STIM1: variants seen among roughly 807,000 people sequenced by gnomAD.
The protein encoded by STIM1 is stromal interaction molecule 1.
STIM1 carries 25 observed loss-of-function variants against 74.7 expected under a neutral mutation model. The ratio of observed to expected loss-of-function variants is 0.33; its 90% CI spans 0.24 to 0.47. STIM1 has a LOEUF of 0.47. STIM1 is among the 20% of genes least tolerant of loss of function. The pLI is 1.00. For synonymous variants in STIM1, 328 were observed against 348.8 expected, an observed-to-expected ratio of 0.94 and a Z score of 0.66; for missense variants, 728 against 920.8, an observed-to-expected ratio of 0.79 and a Z score of 2.71.
intron 1 of STIM1, among the ~76,000 whole-genome samples, chr11:3,895,699 T>TTTCTTTCC (rs2092092397): frequency 6.2e-5 from 2 of 32,090 alleles, no homozygotes; most frequent in African/African-American, 1.9e-4. Flanking sequence ...TCTTTCTTTC[T>TTTCTTTCC]TTCTTTCTTT....
At chr11:3,855,092 A>T (rs1321833874), upstream of STIM1, 1 of 152,278 alleles carries the variant, frequency 6.6e-6, no homozygotes, top group Non-Finnish European at 1.5e-5. Flanking sequence ...GCGGGTTCCC[A>T]AGCCGCAGAG....
At chr11:4,059,216 A>G in intron 4 of STIM1, 65 bp from the exon 5 acceptor site, 1 of 1,395,900 alleles carries the variant, frequency 7.2e-7, no homozygotes. Context: ...GAGGCGGGTA[A>G]TCCTACCAGG....
intron 1 of STIM1, among the ~76,000 whole-genome samples, chr11:3,904,354 T>C (rs16929662): frequency 0.014 from 2,104 of 152,118 alleles, 44 homozygotes; most frequent in African/African-American, 0.048. Context: ...ACTGTGGAAG[T>C]GCATGGCATA....
intron 5 of STIM1, among the ~76,000 whole-genome samples, chr11:4,069,117 A>G (rs141725517): frequency 2.2e-4 from 33 of 152,304 alleles, no homozygotes; most frequent in Non-Finnish European, 3.5e-4. Flanking sequence ...TCCTTCTTAT[A>G]GTGCCCCTTT....
chr11:4,032,658 T>A (rs2094061048), intron 3 of STIM1, among the ~76,000 whole-genome samples: 1 of 152,196 alleles, frequency 6.6e-6, no homozygotes, highest in South Asian at 2.1e-4. Context: ...ACAAAGTACA[T>A]CTCTCCATTT....
chr11:3,991,394 C>G (rs2093610072), intron 2 of STIM1, among the ~76,000 whole-genome samples: 1 of 151,630 alleles, frequency 6.6e-6, no homozygotes, highest in Non-Finnish European at 1.5e-5. Context: ...TGGTCTTGAA[C>G]TCCTGGGCTC....
intron 2 of STIM1, among the ~76,000 whole-genome samples, chr11:3,992,111 T>TTTTTTA (rs2093621872): frequency 1.6e-5 from 2 of 128,068 alleles, no homozygotes; most frequent in Non-Finnish European, 3.2e-5. Flanking sequence ...TTTTTTTTTT[T>TTTTTTA]AGTTTTTAAT....
chr11:4,063,195 C>T (rs2094343087), intron 5 of STIM1, among the ~76,000 whole-genome samples: 1 of 152,124 alleles, frequency 6.6e-6, no homozygotes, highest in Non-Finnish European at 1.5e-5. Context: ...ATTAATTTTG[C>T]CAGTGGTTGC....
chr11:3,861,196 T>C (rs973595443), intron 1 of STIM1, among the ~76,000 whole-genome samples: 2 of 151,814 alleles, frequency 1.3e-5, no homozygotes, highest in African/African-American at 2.4e-5. Context: ...CACCCATAGG[T>C]AGGAAGATTG....
intron 11 of STIM1, among the ~76,000 whole-genome samples, 155 bp downstream of exon 11, chr11:4,084,920 G>A (rs929688262): frequency 5.9e-5 from 9 of 152,132 alleles, no homozygotes; most frequent in Admixed American, 2.0e-4. Context: ...GGAGGGGTTC[G>A]GGGGTGAGAA....
intron 2 of STIM1, among the ~76,000 whole-genome samples, chr11:4,008,343 TC>T (rs1185138523): frequency 6.6e-6 from 1 of 152,058 alleles, no homozygotes; most frequent in African/African-American, 2.4e-5. Flanking sequence ...TTAGAATGTA[TC>T]CCCATCATAT....
intron 2 of STIM1, among the ~76,000 whole-genome samples, chr11:3,998,518 A>G (rs779908208): frequency 7.9e-5 from 12 of 152,198 alleles, no homozygotes; most frequent in Non-Finnish European, 1.3e-4. Context: ...TAATAACCAC[A>G]CACTCTGCTC....
At chr11:4,057,883 AAAAG>A (rs1307222930) in intron 4 of STIM1, among the ~76,000 whole-genome samples, 3 of 152,074 alleles carry the variant, frequency 2.0e-5, no homozygotes, top group African/African-American at 4.8e-5. Flanking sequence ...AAAAAAAAAA[AAAAG>A]AAAGTGACAC....
In STIM1 at chr11:4,020,725, T is replaced by C. The variant is rs1035419781; in HGVS notation, c.271-3148T>C. Among the ~76,000 whole-genome samples, 7 of 152,022 alleles carry C rather than the reference T, an allele frequency of 4.6e-5. No individual in the cohort carries two copies. The South Asian group carries it at 1.5e-3, about 32-fold the overall frequency. On this transcript the variant is annotated intron_variant, in intron 2 of 12. Transcript: ENST00000526596. ...GACCTCAGGCTCTAGCTTCAGCCTA[T>C]AGCTGGGACCACAGGCATAAACCAC...
At chr11:4,013,480 A>C (rs1179658239) in intron 2 of STIM1, among the ~76,000 whole-genome samples, 1 of 151,596 alleles carries the variant, frequency 6.6e-6, no homozygotes, top group Non-Finnish European at 1.5e-5. Context: ...GAATTTATCC[A>C]TTTCTTCTAG....
At chr11:3,871,147 G>A (rs1293386835) in intron 1 of STIM1, among the ~76,000 whole-genome samples, 2 of 152,076 alleles carry the variant, frequency 1.3e-5, no homozygotes, top group African/African-American at 4.8e-5. Context: ...GATTACAGGC[G>A]TGAGCCACGA....
chr11:3,864,947 C>T (rs376092772), intron 1 of STIM1, among the ~76,000 whole-genome samples: 9 of 152,240 alleles, frequency 5.9e-5, no homozygotes, highest in East Asian at 1.9e-4. Flanking sequence ...TCCTTCTCCC[C>T]GGACTCCTGG....
intron 12 of STIM1, among the ~76,000 whole-genome samples, chr11:4,089,688 G>C (rs1412430165): frequency 6.6e-6 from 1 of 152,204 alleles, no homozygotes; most frequent in Non-Finnish European, 1.5e-5. Flanking sequence ...GCTTCCAACT[G>C]AGAATTAAAT....
intron 1 of STIM1, among the ~76,000 whole-genome samples, chr11:3,947,908 G>A (rs979193433): frequency 1.3e-5 from 2 of 152,190 alleles, no homozygotes; most frequent in African/African-American, 2.4e-5. Context: ...AAGAGACAAC[G>A]TATGTAGAAG....
Sources: gnomAD v4.1 joint callset for allele counts (sites outside exome capture counted in the v4.1 genomes callset) on GRCh38, gnomAD v4.1.1 for gene constraint, MANE v1.5 for transcripts, NCBI Gene and HGNC (gene_info 2026-07-23, HGNC 2026-07-21) for gene names.